Variants in ARHGAP28 observed in about 807,000 individuals in gnomAD.
ARHGAP28 encodes the protein rho GTPase-activating protein 28.
A neutral mutation model predicts 90.7 loss-of-function variants in ARHGAP28; 56 were observed. The ratio of observed to expected loss-of-function variants is 0.62; its 90% CI spans 0.50 to 0.77. ARHGAP28 has a LOEUF of 0.77. Ranked by LOEUF, ARHGAP28 falls within the 30% of genes least tolerant of loss-of-function variation. The pLI is 0.00. For synonymous variants in ARHGAP28, 308 were observed against 323.3 expected (o/e 0.95, Z 0.51); for missense variants, 869 against 900.9 (o/e 0.96, Z 0.45).
At chr18:6,908,074 G>A (rs1015889145) in intron 16 of ARHGAP28, among the ~76,000 whole-genome samples, 12 of 151,904 alleles carry the variant, frequency 7.9e-5, no homozygotes, top group African/African-American at 2.2e-4. Flanking sequence ...TAAATTGAGC[G>A]ATAGTTTCCT....
chr18:6,909,068 C>A, intron 17 of ARHGAP28, 44 bp downstream of exon 17: 2 of 1,080,530 alleles, frequency 1.9e-6, no homozygotes, highest in Non-Finnish European at 2.8e-6. Flanking sequence ...TCTCTGATTA[C>A]TCTAAAAGAA....
At chr18:6,829,084 A>G (rs560101042) in intron 2 of ARHGAP28, among the ~76,000 whole-genome samples, 1 of 152,242 alleles carries the variant, frequency 6.6e-6, no homozygotes, top group Non-Finnish European at 1.5e-5. Context: ...CCACACATGT[A>G]ACGAGAATCC....
chr18:6,887,362 C>T (rs1271885967), intron 12 of ARHGAP28, 123 bp downstream of exon 12: 18 of 807,724 alleles, frequency 2.2e-5, no homozygotes, highest in South Asian at 1.0e-4. Flanking sequence ...TGCAAACACA[C>T]GGCCTTTCTG....
At position 6,744,778 on chromosome 18, in the gene ARHGAP28, T is replaced by G. The variant is rs576614856; in HGVS notation, c.122+14835T>G. ...CAATAAGCTGAACTGATTTTTGTTT[T>G]TCAGATGATTGTGAATTGGCAACTT... is the stretch of plus-strand genomic sequence containing the variant. On this transcript the variant is annotated intron_variant, in intron 1 of 17. Transcript: ENST00000383472. 2.6e-5 allele frequency among the ~76,000 whole-genome samples: 4 copies of G among 152,286 alleles called. No individual in the cohort carries two copies. In the East Asian group the frequency reaches 7.7e-4, roughly 29 times the overall value.
chr18:6,821,479 C>A (rs2056626480), intron 1 of ARHGAP28, among the ~76,000 whole-genome samples: 1 of 152,164 alleles, frequency 6.6e-6, no homozygotes, highest in Non-Finnish European at 1.5e-5. Context: ...AGGTATGAAG[C>A]TGCCCATTAA....
rs79962580 is a variant in ARHGAP28, at chr18:6,848,123, A to G, written c.544-2911A>G. ...AGTATAAGTCATATTGTTTGCACAAAGAGTTTAGGATCCATGAGCCAGTCA... is the reference window on the plus strand; with the variant it reads ...AGTATAAGTCATATTGTTTGCACAAGGAGTTTAGGATCCATGAGCCAGTCA... On this transcript the variant is annotated intron_variant, in intron 3 of 17. Transcript: ENST00000383472. Among the ~76,000 whole-genome samples the G allele has an allele frequency of 6.7e-3, 1,020 of 152,276 alleles. 12 individuals are homozygous for G. The highest frequency in any genetic ancestry group is 0.023 in the African/African-American group (960 of 41,558).
intron 17 of ARHGAP28, 97 bp from the exon 18 acceptor site, chr18:6,911,963 C>A: frequency 1.5e-6 from 1 of 673,436 alleles, no homozygotes; most frequent in South Asian, 3.4e-5. Flanking sequence ...CTATATTAAC[C>A]TTATTTGAAC....
intron 16 of ARHGAP28, chr18:6,898,151 G>A (rs985594032): frequency 3.0e-5 from 7 of 235,920 alleles, no homozygotes; most frequent in South Asian, 1.5e-4. Flanking sequence ...AGGTAAGGAC[G>A]GTAGTGTTTC....
At chr18:6,736,948 T>A (rs1165594647) in intron 1 of ARHGAP28, among the ~76,000 whole-genome samples, 1 of 152,200 alleles carries the variant, frequency 6.6e-6, no homozygotes, top group Non-Finnish European at 1.5e-5. Context: ...AAATGTATTT[T>A]AACTAAAGTA....
intron 5 of ARHGAP28, among the ~76,000 whole-genome samples, chr18:6,864,989 C>T (rs1017012082): frequency 5.3e-5 from 8 of 152,138 alleles, no homozygotes; most frequent in African/African-American, 1.9e-4. Context: ...CCTATGCATG[C>T]CTAATCTTTC....
intron 17 of ARHGAP28, among the ~76,000 whole-genome samples, chr18:6,910,217 A>AAGCTTCTG (rs748787778): frequency 3.9e-5 from 6 of 152,004 alleles, no homozygotes; most frequent in Non-Finnish European, 5.9e-5. Flanking sequence ...AGGATGCCCT[A>AAGCTTCTG]AGCTTCTGAC....
chr18:6,802,017 T>C (rs2143631351), intron 1 of ARHGAP28, among the ~76,000 whole-genome samples: 2 of 152,310 alleles, frequency 1.3e-5, no homozygotes, highest in Middle Eastern at 6.8e-3. Flanking sequence ...ATATTTGTCT[T>C]TCTGTACTTG....
At chr18:6,885,388 G>A (rs991354528) in intron 11 of ARHGAP28, among the ~76,000 whole-genome samples, 2 of 152,158 alleles carry the variant, frequency 1.3e-5, no homozygotes. Context: ...GTGTGTGTGT[G>A]TTTAAGCTGT....
intron 7 of ARHGAP28, among the ~76,000 whole-genome samples, chr18:6,872,263 G>A (rs995644725): frequency 1.3e-5 from 2 of 152,180 alleles, no homozygotes; most frequent in African/African-American, 4.8e-5. Context: ...GTCAATAAGC[G>A]ATTGCAGTTT....
intron 1 of ARHGAP28, among the ~76,000 whole-genome samples, chr18:6,797,384 C>T (rs2056448921): frequency 6.6e-6 from 1 of 152,186 alleles, no homozygotes; most frequent in Admixed American, 6.5e-5. Context: ...GAGCATCTGT[C>T]TTCGCTTCAG....
At chr18:6,738,604 A>T (rs1185399891) in intron 1 of ARHGAP28, among the ~76,000 whole-genome samples, 1 of 113,582 alleles carries the variant, frequency 8.8e-6, no homozygotes, top group African/African-American at 2.9e-5. Context: ...AATTCTCAAC[A>T]TCCTAAAATG....
At position 6,875,458 on chromosome 18, in the gene ARHGAP28, T is replaced by TA. The variant is rs374031312; in HGVS notation, c.1213-672dup. 7.2e-4 allele frequency among the ~76,000 whole-genome samples: 109 copies of TA among 152,318 alleles called. 2 individuals are homozygous for TA. The highest frequency in any genetic ancestry group is 2.4e-3 in the African/African-American group (99 of 41,564). On this transcript the variant is annotated intron_variant, in intron 9 of 17. Coordinates refer to ENST00000383472, the MANE Select transcript of ARHGAP28 (RefSeq NM_001366230.1). ...TCTTACTGGGTGAACTTGGCCAAGT[T>TA]ATTATCCTTTCCAGAGAAGCACTGT... is the stretch of plus-strand genomic sequence containing the variant.
intron 1 of ARHGAP28, among the ~76,000 whole-genome samples, chr18:6,767,216 T>A (rs965868951): frequency 6.6e-6 from 1 of 152,218 alleles, no homozygotes; most frequent in African/African-American, 2.4e-5. Context: ...TCATTTCCTG[T>A]GTAAGAATCT....
At chr18:6,899,182 C>T (rs1333941440) in intron 16 of ARHGAP28, among the ~76,000 whole-genome samples, 1 of 152,146 alleles carries the variant, frequency 6.6e-6, no homozygotes, top group East Asian at 1.9e-4. Flanking sequence ...TGACTGCCTA[C>T]TCAGACCCCC....
Sources: allele counts gnomAD v4.1 joint callset (sites outside exome capture counted in the v4.1 genomes callset), GRCh38; gene constraint gnomAD v4.1.1; transcripts MANE v1.5; gene names NCBI Gene and HGNC (gene_info 2026-07-23, HGNC 2026-07-21).